KCNQ3: variants seen among roughly 807,000 people sequenced by gnomAD.
KCNQ3 encodes potassium voltage-gated channel subfamily Q member 3.
Under a neutral mutation model 92.5 loss-of-function variants are expected in KCNQ3, and 30 were observed. The ratio of observed to expected loss-of-function variants is 0.32; its 90% CI spans 0.24 to 0.44. KCNQ3 has a LOEUF of 0.44. Ranked by LOEUF, KCNQ3 falls within the 20% of genes least tolerant of loss-of-function variation. The pLI is 1.00. For missense variants in KCNQ3, 913 were observed against 1,140.3 expected (o/e 0.80, Z 2.87); for synonymous variants, 450 against 468.8 (o/e 0.96, Z 0.52).
chr8:132,477,297 C>A (rs1490822860), intron 1 of KCNQ3, among the ~76,000 whole-genome samples: 1 of 151,146 alleles, frequency 6.6e-6, no homozygotes, highest in African/African-American at 2.4e-5. Context: ...TGTATTCTAC[C>A]TTTAGGAAGG....
chr8:132,472,454 C>A (rs1305674466), intron 1 of KCNQ3, among the ~76,000 whole-genome samples: 1 of 152,102 alleles, frequency 6.6e-6, no homozygotes, highest in African/African-American at 2.4e-5. Flanking sequence ...ATGTCATTTG[C>A]AGCAACTTGG....
intron 9 of KCNQ3, among the ~76,000 whole-genome samples, chr8:132,158,660 T>C (rs981740124): frequency 3.3e-5 from 5 of 152,244 alleles, no homozygotes; most frequent in Admixed American, 2.6e-4. Context: ...TTTCTAGCTT[T>C]GTGACCTTCT....
intron 1 of KCNQ3, among the ~76,000 whole-genome samples, chr8:132,369,181 A>C (rs906260530): frequency 3.9e-5 from 6 of 152,206 alleles, no homozygotes; most frequent in Non-Finnish European, 8.8e-5. Context: ...ACATACTATT[A>C]ATGTGACTAT....
At chr8:132,406,132 G>T (rs116095483) in intron 1 of KCNQ3, among the ~76,000 whole-genome samples, 2 of 152,186 alleles carry the variant, frequency 1.3e-5, no homozygotes, top group Non-Finnish European at 2.9e-5. Context: ...CTGATAGAAA[G>T]AAGGGTGTCG....
chr8:132,213,027 T>C (rs1189049055), intron 1 of KCNQ3, among the ~76,000 whole-genome samples: 1 of 152,218 alleles, frequency 6.6e-6, no homozygotes, highest in Non-Finnish European at 1.5e-5. Context: ...CTGTTGACTT[T>C]TCAAAGTGAA....
chr8:132,372,140 C>T (rs1819488306), intron 1 of KCNQ3, among the ~76,000 whole-genome samples: 1 of 152,166 alleles, frequency 6.6e-6, no homozygotes, highest in Non-Finnish European at 1.5e-5. Flanking sequence ...AGCAGGGGAA[C>T]ATCCGCAGCC....
At chr8:132,466,966 C>A (rs1197672607) in intron 1 of KCNQ3, among the ~76,000 whole-genome samples, 1 of 152,204 alleles carries the variant, frequency 6.6e-6, no homozygotes, top group Admixed American at 6.5e-5. Flanking sequence ...CCCCCTGGCT[C>A]AGTGTCGGCT....
At chr8:132,353,894 C>T (rs1405516713) in intron 1 of KCNQ3, among the ~76,000 whole-genome samples, 3 of 152,190 alleles carry the variant, frequency 2.0e-5, no homozygotes, top group African/African-American at 7.2e-5. Context: ...CAAGAGAGAA[C>T]ACTGTAAGCT....
rs979588777 is a variant in KCNQ3 at position 132,313,268 on chromosome 8, A to C, written c.387-127087T>G. ...TACAGAAGCCTGAAGAATAGTTTAGAAAAACAGAAAAGGCTTTTGTTTTGC... is the reference window on the plus strand; with the variant it reads ...TACAGAAGCCTGAAGAATAGTTTAGCAAAACAGAAAAGGCTTTTGTTTTGC... On this transcript the variant is annotated intron_variant, in intron 1 of 14. Transcript: ENST00000388996. 3.9e-5 allele frequency among the ~76,000 whole-genome samples: 6 copies of C among 152,246 alleles called. No homozygotes were observed. In the East Asian group the frequency reaches 7.7e-4, roughly 20 times the overall value.
intron 1 of KCNQ3, among the ~76,000 whole-genome samples, chr8:132,469,063 G>T (rs1356457857): frequency 6.6e-6 from 1 of 152,184 alleles, no homozygotes; most frequent in Non-Finnish European, 1.5e-5. Flanking sequence ...ATCAGAGGGG[G>T]CCTCAAAACT....
intron 1 of KCNQ3, among the ~76,000 whole-genome samples, chr8:132,275,402 A>C (rs1358175487): frequency 2.0e-5 from 3 of 152,168 alleles, no homozygotes; most frequent in Non-Finnish European, 1.5e-5. Context: ...TCCCTTGAAG[A>C]GAAAAAGAAA....
At chr8:132,282,049 T>C (rs1816538650) in intron 1 of KCNQ3, among the ~76,000 whole-genome samples, 1 of 152,138 alleles carries the variant, frequency 6.6e-6, no homozygotes, top group Admixed American at 6.5e-5. Flanking sequence ...TGCACCATGA[T>C]TTTGCTAACT....
chr8:132,262,769 A>G lies in KCNQ3; in HGVS notation c.387-76588T>C, dbSNP rs537107978. ...TGTTACACCCGTCTTGGACAGACAT[A>G]AGAGAAAAAGAAACATCTGTCTGCT... On this transcript the variant is annotated intron_variant, in intron 1 of 14. Transcript: ENST00000388996. Among the ~76,000 whole-genome samples the G allele has an allele frequency of 2.0e-5, 3 of 152,210 alleles. No homozygotes were observed. The East Asian group carries it at 5.8e-4, about 29-fold the overall frequency.
intron 1 of KCNQ3, among the ~76,000 whole-genome samples, chr8:132,441,746 A>C (rs1159702990): frequency 6.6e-6 from 1 of 152,226 alleles, no homozygotes; most frequent in Non-Finnish European, 1.5e-5. Flanking sequence ...CCAGCAGTGT[A>C]TAAGCATTCC....
chr8:132,351,336 C>T (rs1818856893), intron 1 of KCNQ3, among the ~76,000 whole-genome samples: 6 of 152,148 alleles, frequency 3.9e-5, no homozygotes, highest in Admixed American at 3.9e-4. Context: ...TCCCCTTCTT[C>T]CTTTCTGAAA....
At chr8:132,388,037 A>C (rs1563890515) in intron 1 of KCNQ3, among the ~76,000 whole-genome samples, 1 of 151,410 alleles carries the variant, frequency 6.6e-6, no homozygotes, top group Non-Finnish European at 1.5e-5. Flanking sequence ...GAAGAAGAGG[A>C]AGAGGAAGAA....
chr8:132,132,295 A>C, intron 13 of KCNQ3, 31 bp from the exon 14 acceptor site: 19 of 1,547,124 alleles, frequency 1.2e-5, no homozygotes, highest in Non-Finnish European at 1.5e-5. Context: ...CTATAAGATC[A>C]TTATATCTAT....
intron 1 of KCNQ3, among the ~76,000 whole-genome samples, chr8:132,320,284 C>A (rs1352994866): frequency 6.6e-6 from 1 of 152,172 alleles, no homozygotes; most frequent in Admixed American, 6.5e-5. Context: ...ACTAAACTCT[C>A]AGACCTCAGT....
At chr8:132,262,743 C>T (rs1815830072) in intron 1 of KCNQ3, among the ~76,000 whole-genome samples, 2 of 151,910 alleles carry the variant, frequency 1.3e-5, no homozygotes, top group South Asian at 4.2e-4. Context: ...CACCATGACA[C>T]TGTTACACCC....
Sources: gnomAD v4.1 joint callset for allele counts (sites outside exome capture counted in the v4.1 genomes callset) on GRCh38, gnomAD v4.1.1 for gene constraint, MANE v1.5 for transcripts, NCBI Gene and HGNC (gene_info 2026-07-23, HGNC 2026-07-21) for gene names.